Variants in DMD observed in about 807,000 individuals in gnomAD.
The protein encoded by DMD is dystrophin.
Under a neutral mutation model 330.1 loss-of-function variants are expected in DMD, and 63 were observed. That is an observed-to-expected ratio of 0.19 (90% confidence interval 0.16 to 0.24). The LOEUF is 0.24. DMD is among the 10% of genes least tolerant of loss of function. The pLI is 1.00. For missense variants in DMD, 3,344 were observed against 2,684.1 expected (o/e 1.25, Z -5.43); for synonymous variants, 1,223 against 959.8 (o/e 1.27, Z -5.07).
intron 29 of DMD, among the ~76,000 whole-genome samples, chrX:32,415,182 T>C (rs1686135697): frequency 8.9e-6 from 1 of 112,272 alleles, no homozygotes; most frequent in Non-Finnish European, 1.9e-5. Flanking sequence ...TAGATTTTAA[T>C]TGTATAGGAT....
chrX:32,332,371 G>T, intron 41 of DMD, among the ~76,000 whole-genome samples: 1 of 106,737 alleles, frequency 9.4e-6, no homozygotes, highest in African/African-American at 3.4e-5. Flanking sequence ...TCCTGGTCAT[G>T]CACTTTATTG....
chrX:32,806,033 C>G (rs1158868076), intron 7 of DMD, among the ~76,000 whole-genome samples: 1 of 111,502 alleles, frequency 9.0e-6, no homozygotes, highest in Admixed American at 9.5e-5. Flanking sequence ...AACTAACAAG[C>G]AAAATAACCA....
At chrX:32,075,730 T>C (rs1266870339) in intron 44 of DMD, among the ~76,000 whole-genome samples, 1 of 109,366 alleles carries the variant, frequency 9.1e-6, no homozygotes, top group East Asian at 2.9e-4. Flanking sequence ...TTTCCAGTGT[T>C]ACAGATTTCA....
At chrX:32,471,203 G>A (rs1393494617) in intron 22 of DMD, among the ~76,000 whole-genome samples, 2 of 111,406 alleles carry the variant, frequency 1.8e-5, no homozygotes, top group Admixed American at 9.6e-5. Context: ...ACTTGAACCC[G>A]GGAGGCGTAG....
In DMD at chrX:31,991,652, G is replaced by A. The variant is rs763635429; in HGVS notation, c.6439-23138C>T. ...AGCCAGAAGATGAGATGTAAACAAA[G>A]GTGAGGTCAGAGTGAGAAAGAGAAA... On this transcript the variant is annotated intron_variant, in intron 44 of 78. Coordinates refer to ENST00000357033, the MANE Select transcript of DMD (RefSeq NM_004006.3). Among the ~76,000 whole-genome samples the A allele has an allele frequency of 1.7e-3, 188 of 109,536 alleles. 1 individual carries two copies. The highest frequency in any genetic ancestry group is 6.0e-3 in the African/African-American group (181 of 30,136).
At position 33,026,313 on chromosome X, in the gene DMD, C is replaced by CAAAAAAAAAAAAAAAAAAAAAAA. The variant is rs56794668; in HGVS notation, c.32-6136_32-6114dup. 3.4e-4 allele frequency among the ~76,000 whole-genome samples: 11 copies of CAAAAAAAAAAAAAAAAAAAAAAA among 32,782 alleles called. 1 individual carries two copies. The highest frequency in any genetic ancestry group is 4.9e-4 in the African/African-American group (4 of 8,214). 28.5% of individuals were successfully genotyped at this position (32,782 alleles called of 115,157 possible). A position where few individuals can be genotyped will look rare whatever the true frequency, so the allele number is the denominator to read the frequency against. ...CTGGGGGACAGAGGAGACTCCGTCT[C>CAAAAAAAAAAAAAAAAAAAAAAA]AAAAAAAAAAAAAAAAAAAAAAAAA... On this transcript the variant is annotated intron_variant, in intron 1 of 78. Transcript: ENST00000357033.
chrX:32,890,103 T>C (rs1431540403), intron 2 of DMD, among the ~76,000 whole-genome samples: 1 of 111,635 alleles, frequency 9.0e-6, no homozygotes, highest in Non-Finnish European at 1.9e-5. Context: ...GTCCAGCACC[T>C]AAACTGCAAA....
At chrX:31,332,437 G>T (rs1205424660) in intron 61 of DMD, among the ~76,000 whole-genome samples, 1 of 111,887 alleles carries the variant, frequency 8.9e-6, no homozygotes, top group Non-Finnish European at 1.9e-5. Context: ...AGTAGAGAGA[G>T]AAGGGGAGAG....
chrX:32,224,890 C>T (rs2097142452), intron 43 of DMD, among the ~76,000 whole-genome samples: 2 of 111,604 alleles, frequency 1.8e-5, no homozygotes, highest in African/African-American at 6.5e-5. Context: ...AAATTCTACA[C>T]ATTTTTTCCC....
intron 7 of DMD, among the ~76,000 whole-genome samples, chrX:32,731,205 G>C (rs1253065786): frequency 8.9e-6 from 1 of 112,326 alleles, no homozygotes; most frequent in African/African-American, 3.2e-5. Context: ...GTTTCCGACG[G>C]GCTTAAAAAA....
At chrX:31,435,785 T>A (rs948484121) in intron 60 of DMD, 61 of 111,572 alleles carry the variant, frequency 5.5e-4, no homozygotes, top group African/African-American at 1.9e-3. Context: ...GCGGAGTGTT[T>A]CACATGCAGC....
chrX:32,946,584 C>T, intron 2 of DMD, among the ~76,000 whole-genome samples: 1 of 111,980 alleles, frequency 8.9e-6, no homozygotes, highest in East Asian at 2.8e-4. Context: ...AAATTGCTTG[C>T]TGGTTTTGTT....
intron 55 of DMD, among the ~76,000 whole-genome samples, chrX:31,613,106 C>T (rs909981552): frequency 8.9e-6 from 1 of 111,894 alleles, no homozygotes; most frequent in African/African-American, 3.2e-5. Flanking sequence ...ATTCATTCAG[C>T]TCAGTGTCAT....
intron 1 of DMD, among the ~76,000 whole-genome samples, chrX:33,243,184 T>C (rs2052614933): frequency 1.8e-5 from 2 of 112,080 alleles, no homozygotes; most frequent in African/African-American, 6.5e-5. Context: ...CCTAAGCCAA[T>C]GTCTAGAAGG....
At chrX:32,926,620 C>T (rs1407756568) in intron 2 of DMD, among the ~76,000 whole-genome samples, 2 of 109,000 alleles carry the variant, frequency 1.8e-5, no homozygotes, top group African/African-American at 6.7e-5. Flanking sequence ...GATGTGGCGG[C>T]GTGAGGCTGT....
In DMD at chrX:32,596,307, A is replaced by G. The variant is rs116571577; in HGVS notation, c.1483-431T>C. Among the ~76,000 whole-genome samples the G allele has an allele frequency of 4.4e-3, 485 of 110,268 alleles. 3 individuals carry two copies. The highest frequency in any genetic ancestry group is 0.015 in the African/African-American group (457 of 30,344). Reference sequence around the variant, plus strand: ...TATGTGTTCCTCTTCACTGAAAAAAAAAAAAACAAATGTATCCTATAGTTA... The same window carrying G: ...TATGTGTTCCTCTTCACTGAAAAAAGAAAAAACAAATGTATCCTATAGTTA... On this transcript the variant is annotated intron_variant, in intron 12 of 78. Coordinates refer to ENST00000357033, the MANE Select transcript of DMD (RefSeq NM_004006.3).
At chrX:31,292,204 C>T (rs899557522) in intron 62 of DMD, among the ~76,000 whole-genome samples, 3 of 110,292 alleles carry the variant, frequency 2.7e-5, no homozygotes, top group African/African-American at 9.9e-5. Context: ...GCAACACATA[C>T]AATTTACAAA....
intron 50 of DMD, among the ~76,000 whole-genome samples, chrX:31,779,656 A>G (rs2090897268): frequency 9.3e-6 from 1 of 107,422 alleles, no homozygotes; most frequent in East Asian, 2.9e-4. Flanking sequence ...ATTAAACTGT[A>G]TATCTAGGTA....
intron 2 of DMD, among the ~76,000 whole-genome samples, chrX:32,968,133 T>C (rs2092236877): frequency 8.9e-6 from 1 of 112,309 alleles, no homozygotes; most frequent in Non-Finnish European, 1.9e-5. Flanking sequence ...ATCTGTTGAA[T>C]GAATAAATGA....
Sources: allele counts gnomAD v4.1 joint callset (sites outside exome capture counted in the v4.1 genomes callset), GRCh38; gene constraint gnomAD v4.1.1; transcripts MANE v1.5; gene names NCBI Gene and HGNC (gene_info 2026-07-23, HGNC 2026-07-21).